The following SAP130 variants were observed in gnomAD, a reference collection of about 807,000 sequenced individuals.
SAP130 encodes histone deacetylase complex subunit SAP130.
SAP130 carries 16 observed loss-of-function variants against 103.2 expected under a neutral mutation model. That is an observed-to-expected ratio of 0.16 (90% confidence interval 0.10 to 0.24). The LOEUF is 0.24. SAP130 is among the 10% of genes least tolerant of loss of function. The pLI, the probability that SAP130 is intolerant of heterozygous loss-of-function variation, is 1.00. For synonymous variants in SAP130, 477 were observed against 497.0 expected (o/e 0.96, Z 0.53); for missense variants, 990 against 1,359.7 (o/e 0.73, Z 4.28).
intron 16 of SAP130, among the ~76,000 whole-genome samples, chr2:127,952,121 T>C (rs963321538): frequency 2.6e-5 from 4 of 152,136 alleles, no homozygotes; most frequent in African/African-American, 9.7e-5. Flanking sequence ...ACTGGATCAT[T>C]CCTATTAACA....
intron 14 of SAP130, among the ~76,000 whole-genome samples, chr2:127,984,443 G>A (rs1001072929): frequency 2.6e-5 from 4 of 152,198 alleles, no homozygotes; most frequent in Non-Finnish European, 5.9e-5. Context: ...TTGGTTGTAT[G>A]TTCATGATTA....
chr2:127,944,358 A>T (rs921177990), intron 19 of SAP130, among the ~76,000 whole-genome samples: 11 of 152,020 alleles, frequency 7.2e-5, no homozygotes, highest in African/African-American at 2.2e-4. Context: ...TTAAAAAAAA[A>T]TTTTAACTTT....
chr2:127,982,977 G>A (rs113835093), intron 14 of SAP130, among the ~76,000 whole-genome samples: 129 of 152,308 alleles, frequency 8.5e-4, no homozygotes, highest in Admixed American at 1.6e-3. Flanking sequence ...AAGGCTCACT[G>A]AGCTTATGTG....
chr2:127,947,141 C>G (rs879718255), intron 18 of SAP130, among the ~76,000 whole-genome samples: 2 of 151,708 alleles, frequency 1.3e-5, no homozygotes, highest in African/African-American at 2.4e-5. Context: ...CACCAAAGAT[C>G]GCTGGCAATC....
In SAP130 at chr2:127,966,659, C is replaced by T. The variant is rs558615928; in HGVS notation, c.2064-11315G>A. Among the ~76,000 whole-genome samples the T allele has an allele frequency of 4.6e-5, 7 of 151,772 alleles. No individual in the cohort carries two copies. The South Asian group carries it at 6.2e-4, about 14-fold the overall frequency. Reference sequence around the variant, plus strand: ...CGGAGGCGGCAGTGAGCTGAGACTGCGCCACTGCACTCCAACCTGGGCAAT... The same window carrying T: ...CGGAGGCGGCAGTGAGCTGAGACTGTGCCACTGCACTCCAACCTGGGCAAT... On this transcript the variant is annotated intron_variant, in intron 15 of 20. Transcript: ENST00000643581.
chr2:127,997,670 G>GT (rs1035531952), intron 10 of SAP130, among the ~76,000 whole-genome samples: 3 of 152,142 alleles, frequency 2.0e-5, no homozygotes, highest in Admixed American at 6.5e-5. Flanking sequence ...ACTAAGCCTT[G>GT]TTTTTTTCAC....
intron 1 of SAP130, chr2:128,027,118 C>T: frequency 7.1e-7 from 1 of 1,406,526 alleles, no homozygotes; most frequent in Non-Finnish European, 9.4e-7. Context: ...CCGCCCGCAC[C>T]GCCCGCTTCT....
chr2:127,955,454 C>G lies in SAP130; in HGVS notation c.2064-110G>C. The stretch of plus-strand genomic sequence containing the variant: ...AATTATTTCTGTCCAGCACACTGCA[C>G]AATTTATACTCTATTTCCTTTTTTT... On this transcript the variant is annotated intron_variant, in intron 15 of 20. Coordinates refer to ENST00000643581, the MANE Select transcript of SAP130 (RefSeq NM_001330301.2). This position sits in a 1 kb window ranked among gnomAD's most constrained non-coding sequence, Gnocchi z 4.9. The G allele has an allele frequency of 1.5e-6, 1 of 649,704 alleles. No homozygotes were observed. Among genetic ancestry groups the G allele is most frequent in the East Asian group, 3.0e-5 (1 of 33,678 alleles). 40.2% of individuals were successfully genotyped at this position (649,704 alleles called of 1,614,324 possible). A position where few individuals can be genotyped will look rare whatever the true frequency, so the allele number is the denominator to read the frequency against.
intron 7 of SAP130, 77 bp from the exon 8 acceptor site, chr2:128,000,531 T>C: frequency 1.3e-6 from 2 of 1,533,458 alleles, no homozygotes; most frequent in South Asian, 2.3e-5. Flanking sequence ...ATGCAAGTTA[T>C]ACTTTTTCAT....
chr2:127,999,924 C>A, intron 9 of SAP130, 79 bp from the exon 10 acceptor site: 1 of 1,436,460 alleles, frequency 7.0e-7, no homozygotes, highest in Non-Finnish European at 9.6e-7. Flanking sequence ...CCTGGGAAAT[C>A]TCCTGGAAAA....
Position 128,013,114 on chromosome 2 carries a change from G to T in SAP130, c.660C>A (p.Thr220=). ...GCTGTGAGGTCGGCCTCAGGACTGT[G>T]GTTACTTTAGAACTGGACATCACAG... ...AAAVMSSSKV[T]TVLRPTSQLP... is the part of the protein sequence containing the mutation. Residue 220 remains threonine, a synonymous_variant, in exon 6 of 21, where the codon ACC becomes ACA. Coordinates refer to ENST00000643581, the MANE Select transcript of SAP130 (RefSeq NM_001330301.2). 1 of 1,613,058 alleles carries T rather than the reference G, an allele frequency of 6.2e-7. No homozygotes were observed. The highest frequency in any genetic ancestry group is 1.1e-5 in the South Asian group (1 of 90,954).
In SAP130 at chr2:127,955,399, TACA is replaced by T. The variant is rs1454410963; in HGVS notation, c.2064-58_2064-56del. The T allele has an allele frequency of 8.9e-6, 10 of 1,123,868 alleles. No homozygotes were observed. In the East Asian group the frequency reaches 1.7e-4, roughly 19 times the overall value. 69.6% of individuals were successfully genotyped at this position (1,123,868 alleles called of 1,614,324 possible). A position where few individuals can be genotyped will look rare whatever the true frequency, so the allele number is the denominator to read the frequency against. The stretch of plus-strand genomic sequence containing the variant: ...AAATAAGAAAAAAACTGCCTTCATC[TACA>T]ACATCTCAGAGGATGAGTATTTGTC... On this transcript the variant is annotated intron_variant, in intron 15 of 20. Coordinates refer to ENST00000643581, the MANE Select transcript of SAP130 (RefSeq NM_001330301.2). This position sits in a 1 kb window ranked among gnomAD's most constrained non-coding sequence, Gnocchi z 4.9.
At chr2:128,020,996 A>C (rs1685114048) in intron 2 of SAP130, among the ~76,000 whole-genome samples, 1 of 152,184 alleles carries the variant, frequency 6.6e-6, no homozygotes, top group African/African-American at 2.4e-5. Flanking sequence ...TCTCAAAAAA[A>C]AAGTGAAATG....
Position 127,989,946 on chromosome 2 carries a change from C to A in SAP130, c.1478-80G>T. On this transcript the variant is annotated intron_variant, in intron 12 of 20. Transcript: ENST00000643581. This position sits in a 1 kb window ranked among gnomAD's most constrained non-coding sequence, Gnocchi z 4.6. ...CACATAAAGAGAGAAACACTAAAAA[C>A]GGATTTCCTCCACTGTATAAGATCT... 7.7e-7 allele frequency: 1 copy of A among 1,298,056 alleles called. No homozygotes were observed. The highest frequency in any genetic ancestry group is 1.1e-6 in the Non-Finnish European group (1 of 941,510). 80.4% of individuals were successfully genotyped at this position (1,298,056 alleles called of 1,614,324 possible).
chr2:127,958,173 G>C (rs1679975671), intron 15 of SAP130, among the ~76,000 whole-genome samples: 1 of 152,218 alleles, frequency 6.6e-6, no homozygotes, highest in Admixed American at 6.5e-5. Flanking sequence ...CCACCACTTT[G>C]GGAGGCCAAA....
chr2:128,027,022 G>C (rs1685551144), intron 1 of SAP130: 2 of 1,304,392 alleles, frequency 1.5e-6, no homozygotes, highest in East Asian at 2.8e-5. Context: ...TGAGACCCCC[G>C]TCTCCGGGGT....
chr2:127,949,228 G>C lies in SAP130; in HGVS notation c.2797+641C>G, dbSNP rs562175169. Among the ~76,000 whole-genome samples, 5 of 152,266 alleles carry C rather than the reference G, an allele frequency of 3.3e-5. No individual in the cohort carries two copies. In the East Asian group the frequency reaches 9.6e-4, roughly 29 times the overall value. ...AATGGGAAATGTGACCAATTATCTA[G>C]AGGCTCACATTTCTTTGTACATATA... On this transcript the variant is annotated intron_variant, in intron 18 of 20. Coordinates refer to ENST00000643581, the MANE Select transcript of SAP130 (RefSeq NM_001330301.2).
rs1678702817 is a variant in SAP130 at position 127,941,479 on chromosome 2, A to C, written c.*527T>G. 6.5e-6 allele frequency: 1 copy of C among 153,992 alleles called. No homozygotes were observed. Among genetic ancestry groups the C allele is most frequent in the Non-Finnish European group, 1.4e-5 (1 of 69,176 alleles). 9.5% of individuals were successfully genotyped at this position (153,992 alleles called of 1,614,324 possible). ...CAAGAACTAATAGTTCAAACCCTTT[A>C]GAGTGTGAGATGTGGCAGCTCGCTT... On this transcript the variant is annotated 3_prime_UTR_variant, in exon 21 of 21. Coordinates refer to ENST00000643581, the MANE Select transcript of SAP130 (RefSeq NM_001330301.2).
chr2:127,982,984 T>C (rs1339338277), intron 14 of SAP130, among the ~76,000 whole-genome samples: 1 of 152,150 alleles, frequency 6.6e-6, no homozygotes, highest in Admixed American at 6.5e-5. Flanking sequence ...ACTGAGCTTA[T>C]GTGCTAAGTG....
Sources: gnomAD v4.1 joint callset for allele counts (sites outside exome capture counted in the v4.1 genomes callset) on GRCh38, gnomAD v4.1.1 for gene constraint, Gnocchi (gnomAD v3.1) non-coding constraint, MANE v1.5 for transcripts, NCBI Gene and HGNC (gene_info 2026-07-23, HGNC 2026-07-21) for gene names.